Variants in SPATA31F3 observed in about 807,000 individuals in gnomAD.
SPATA31F3 encodes protein SPATA31F3.
the SPATA31F3 span, among the ~76,000 whole-genome samples, chr9:34,894,849 G>A: frequency 6.6e-6 from 1 of 152,148 alleles, no homozygotes; most frequent in Non-Finnish European, 1.5e-5. Context: ...ATAAGATAGA[G>A]AATTTTTTAA....
chr9:34,893,286 C>T, the SPATA31F3 span: 1 of 409,582 alleles, frequency 2.4e-6, no homozygotes, highest in East Asian at 3.5e-5. Context: ...TGTCTACCTC[C>T]CTGTTTTTCT....
chr9:34,891,149 T>G, the SPATA31F3 span, among the ~76,000 whole-genome samples: 1 of 152,178 alleles, frequency 6.6e-6, no homozygotes, highest in African/African-American at 2.4e-5. Context: ...GGATCATCAG[T>G]AACAGCATCT....
At chr9:34,889,547 G>A in the SPATA31F3 span, 3 of 398,392 alleles carry the variant, frequency 7.5e-6, no homozygotes, top group South Asian at 1.3e-4. Context: ...AAAGGAGAAT[G>A]GATTCCTCAT....
the SPATA31F3 span, chr9:34,892,824 C>T: frequency 2.2e-5 from 15 of 681,954 alleles, no homozygotes; most frequent in South Asian, 7.9e-5. Flanking sequence ...GAATCTTGGA[C>T]GCTGTCTGCA....
chr9:34,892,806 C>G, the SPATA31F3 span: 1 of 629,532 alleles, frequency 1.6e-6, no homozygotes, highest in East Asian at 2.8e-5. Context: ...TGAAAGTGAT[C>G]AGCCCAGGAA....
At chr9:34,893,068 C>T in the SPATA31F3 span, 5 of 982,760 alleles carry the variant, frequency 5.1e-6, no homozygotes, top group East Asian at 1.0e-4. Flanking sequence ...GCTTAATCTC[C>T]AGAGCCATAA....
chr9:34,889,947 A>G, the SPATA31F3 span, among the ~76,000 whole-genome samples: 3 of 152,116 alleles, frequency 2.0e-5, no homozygotes, highest in African/African-American at 4.8e-5. Flanking sequence ...CAGCTTTGCA[A>G]ATTATTCTTA....
chr9:34,893,383 C>G, the SPATA31F3 span, among the ~76,000 whole-genome samples: 1 of 152,146 alleles, frequency 6.6e-6, no homozygotes, highest in South Asian at 2.1e-4. Context: ...GATGGATCAC[C>G]TGAGGTCAGG....
At chr9:34,893,790 C>T in the SPATA31F3 span, among the ~76,000 whole-genome samples, 393 of 152,178 alleles carry the variant, frequency 2.6e-3, no homozygotes, top group African/African-American at 8.7e-3. Flanking sequence ...AGAACGGAGC[C>T]AGGCGGTTAG....
At chr9:34,892,111 A>G in the SPATA31F3 span, among the ~76,000 whole-genome samples, 1 of 152,212 alleles carries the variant, frequency 6.6e-6, no homozygotes, top group African/African-American at 2.4e-5. Flanking sequence ...AAACCACAGT[A>G]AGGTAGCTAC....
At chr9:34,890,947 C>A in the SPATA31F3 span, among the ~76,000 whole-genome samples, 3 of 152,206 alleles carry the variant, frequency 2.0e-5, no homozygotes, top group African/African-American at 7.2e-5. Flanking sequence ...CCAGGACTTA[C>A]ACATTGCTGT....
At chr9:34,889,281 A>T in the SPATA31F3 span, 1 of 398,590 alleles carries the variant, frequency 2.5e-6, no homozygotes, top group Admixed American at 4.4e-5. Context: ...AAGTCATTTG[A>T]GGACAGAGTT....
chr9:34,892,944 C>T, the SPATA31F3 span: 7 of 687,154 alleles, frequency 1.0e-5, no homozygotes, highest in Admixed American at 6.5e-5. Context: ...GAGCCCAGAT[C>T]CTGACTATGC....
the SPATA31F3 span, among the ~76,000 whole-genome samples, chr9:34,892,019 G>A: frequency 6.6e-6 from 1 of 152,168 alleles, no homozygotes; most frequent in South Asian, 2.1e-4. Context: ...TGCAGAGAAA[G>A]GGCCAAAGCC....
the SPATA31F3 span, chr9:34,892,853 G>C: frequency 1.4e-6 from 1 of 698,132 alleles, no homozygotes; most frequent in Non-Finnish European, 2.6e-6. Context: ...CCGGGCAGCT[G>C]ACTGGGTTAA....
chr9:34,891,867 G>T, the SPATA31F3 span, among the ~76,000 whole-genome samples: 1 of 152,186 alleles, frequency 6.6e-6, no homozygotes, highest in East Asian at 1.9e-4. Context: ...TCTACAGCAG[G>T]TGCCACTCCA....
the SPATA31F3 span, chr9:34,892,725 G>A: frequency 3.2e-5 from 15 of 465,402 alleles, no homozygotes; most frequent in African/African-American, 2.8e-4. Context: ...GGAATTCCAG[G>A]CTTCTCAAAG....
At chr9:34,891,527 G>C in the SPATA31F3 span, among the ~76,000 whole-genome samples, 1 of 152,136 alleles carries the variant, frequency 6.6e-6, no homozygotes, top group African/African-American at 2.4e-5. Flanking sequence ...CATAGGTCAG[G>C]GCTGTACTGC....
At chr9:34,893,266 A>ACT in the SPATA31F3 span, 1 of 427,176 alleles carries the variant, frequency 2.3e-6, no homozygotes, top group Non-Finnish European at 4.1e-6. Flanking sequence ...TGGAGCCTAC[A>ACT]CTCTCTTGTT....
Sources: gnomAD v4.1 joint callset for allele counts (sites outside exome capture counted in the v4.1 genomes callset) on GRCh38, gnomAD v4.1.1 for gene constraint, MANE v1.5 for transcripts, NCBI Gene and HGNC (gene_info 2026-07-23, HGNC 2026-07-21) for gene names.